Variants in VPS13C observed in about 807,000 individuals in gnomAD.
VPS13C encodes intermembrane lipid transfer protein VPS13C.
In VPS13C, 358 loss-of-function variants were observed where a neutral mutation model predicts 456.8. The observed-to-expected ratio is 0.78, with a 90% confidence interval of 0.72 to 0.86. The LOEUF is 0.86. Ranked by LOEUF, VPS13C falls within the 40% of genes least tolerant of loss-of-function variation. VPS13C has a pLI of 0.00. For synonymous variants in VPS13C, 1,578 were observed against 1,486.7 expected, an observed-to-expected ratio of 1.06 and a Z score of -1.41; for missense variants, 4,818 against 4,385.4, an observed-to-expected ratio of 1.10 and a Z score of -2.79.
At chr15:62,008,844 TGA>T in intron 13 of VPS13C, 83 bp from the exon 14 acceptor site, 3 of 769,212 alleles carry the variant, frequency 3.9e-6, no homozygotes, top group Non-Finnish European at 5.7e-6. Context: ...TTTAGGCTAG[TGA>T]GACTCCAAAT....
chr15:61,884,232 A>G lies in VPS13C; in HGVS notation c.9379T>C (p.Trp3127Arg). ...VVWEVKPKQK[W>R]KPFSQKQIIL... ...ATCTGCTTTTGACTAAATGGCTTCCATTTCTGCTTTGGTTTCACCTCCCAA... is the reference window on the plus strand; with the variant it reads ...ATCTGCTTTTGACTAAATGGCTTCCGTTTCTGCTTTGGTTTCACCTCCCAA... Residue 3127 changes from tryptophan (W) to arginine (R), a missense_variant, in exon 68 of 85, where the codon TGG becomes CGG. Physicochemically the swap from Trp to Arg is moderately radical, Grantham distance 101. Transcript: ENST00000644861. The G allele has an allele frequency of 6.2e-7, 1 of 1,610,636 alleles. No homozygotes were observed. Among genetic ancestry groups the G allele is most frequent in the Non-Finnish European group, 8.5e-7 (1 of 1,178,752 alleles).
intron 16 of VPS13C, among the ~76,000 whole-genome samples, chr15:61,994,453 G>C (rs2046315954): frequency 6.6e-6 from 1 of 152,160 alleles, no homozygotes; most frequent in Non-Finnish European, 1.5e-5. Flanking sequence ...TGGGGAATTT[G>C]CCTGTGAGAA....
intron 6 of VPS13C, among the ~76,000 whole-genome samples, chr15:62,025,685 G>A (rs1031455771): frequency 8.6e-5 from 13 of 152,024 alleles, no homozygotes; most frequent in African/African-American, 3.1e-4. Flanking sequence ...TAATCTTAGA[G>A]CTAATATAGC....
At position 61,883,055 on chromosome 15, in the gene VPS13C, C is replaced by T. The variant is rs1183252370; in HGVS notation, c.9484-319G>A. Among the ~76,000 whole-genome samples, 7 of 151,326 alleles carry T rather than the reference C, an allele frequency of 4.6e-5. No individual in the cohort carries two copies. The South Asian group carries it at 8.3e-4, about 18-fold the overall frequency. ...CTTTCCTTTTCTTTTTTTTTTGAAACGGCATCTTGCTGTCACAAGTGCAGT... is the reference window on the plus strand; with the variant it reads ...CTTTCCTTTTCTTTTTTTTTTGAAATGGCATCTTGCTGTCACAAGTGCAGT... On this transcript the variant is annotated intron_variant, in intron 68 of 84. Coordinates refer to ENST00000644861, the MANE Select transcript of VPS13C (RefSeq NM_020821.3).
At chr15:61,913,287 G>C (rs778603560) in intron 62 of VPS13C, 24 bp downstream of exon 62, 3 of 1,598,612 alleles carry the variant, frequency 1.9e-6, no homozygotes, top group Non-Finnish European at 2.6e-6. Context: ...GGAATCAAAG[G>C]TAAATAAGGA....
intron 57 of VPS13C, among the ~76,000 whole-genome samples, chr15:61,919,663 A>C: frequency 6.6e-6 from 1 of 151,876 alleles, no homozygotes; most frequent in East Asian, 1.9e-4. Flanking sequence ...GGTTTTGAAT[A>C]TAAAAACAAA....
chr15:62,040,067 T>A (rs1269633160), intron 3 of VPS13C, among the ~76,000 whole-genome samples: 1 of 152,120 alleles, frequency 6.6e-6, no homozygotes, highest in African/African-American at 2.4e-5. Context: ...ACAACATGGA[T>A]GGAACTGGGG....
chr15:62,005,452 G>A (rs996059342), intron 15 of VPS13C, among the ~76,000 whole-genome samples: 3 of 152,150 alleles, frequency 2.0e-5, no homozygotes, highest in Admixed American at 6.5e-5. Context: ...GCACACTGAT[G>A]GGTCTTGACT....
chr15:62,032,831 T>C (rs1010487450), intron 5 of VPS13C, among the ~76,000 whole-genome samples: 1 of 151,764 alleles, frequency 6.6e-6, no homozygotes, highest in Non-Finnish European at 1.5e-5. Flanking sequence ...CTTCAATTCA[T>C]CACTCTATAG....
intron 1 of VPS13C, among the ~76,000 whole-genome samples, chr15:62,056,465 G>T (rs1447596810): frequency 2.6e-5 from 4 of 152,228 alleles, no homozygotes; most frequent in Non-Finnish European, 4.4e-5. Flanking sequence ...TTGGTCTAGC[G>T]GTAACGCCAG....
rs953129298 is a variant in VPS13C, at chr15:61,865,905, T to C, written c.10864-2377A>G. On this transcript the variant is annotated intron_variant, in intron 81 of 84. Transcript: ENST00000644861. ...AAGCTGCATATTAAAGAATACAAAG[T>C]AGTACTTAGGAGAAAAAGGAACATG... 1.5e-5 allele frequency: 15 copies of C among 973,464 alleles called. No homozygotes were observed. The African/African-American group carries it at 2.6e-4, about 17-fold the overall frequency. The allele number at this position is 973,464 out of a possible 1,614,324, so 60.3% of individuals were successfully genotyped here. A position where few individuals can be genotyped will look rare whatever the true frequency, so the allele number is the denominator to read the frequency against.
intron 84 of VPS13C, among the ~76,000 whole-genome samples, 155 bp from the exon 85 acceptor site, chr15:61,854,713 C>T (rs1893812744): frequency 6.6e-6 from 1 of 152,098 alleles, no homozygotes; most frequent in Non-Finnish European, 1.5e-5. Context: ...AAAATAAGAC[C>T]CTTGCACCCG....
At chr15:61,886,480 G>A (rs150121611) in intron 67 of VPS13C, among the ~76,000 whole-genome samples, 1,641 of 151,948 alleles carry the variant, frequency 0.011, 11 homozygotes, top group Non-Finnish European at 0.017. Flanking sequence ...TGATATGACG[G>A]ATATATATCA....
chr15:62,015,613 C>A (rs2047209687), intron 9 of VPS13C, among the ~76,000 whole-genome samples: 2 of 142,506 alleles, frequency 1.4e-5, no homozygotes, highest in Admixed American at 1.4e-4. Flanking sequence ...ATGATGAGTT[C>A]ATGTCCTTTG....
rs751758020 is a variant in VPS13C at position 62,007,296 on chromosome 15, T to C, written c.1290+12A>G. On this transcript the variant is annotated intron_variant, in intron 15 of 84. Coordinates refer to ENST00000644861, the MANE Select transcript of VPS13C (RefSeq NM_020821.3). ...ACAAATAATAGCTCTCACTAATATATGCAAGATATACCTGAATTTCTTTCT... is the reference window on the plus strand; with the variant it reads ...ACAAATAATAGCTCTCACTAATATACGCAAGATATACCTGAATTTCTTTCT... 2.5e-6 allele frequency: 4 copies of C among 1,589,866 alleles called. No individual in the cohort carries two copies. Among genetic ancestry groups the C allele is most frequent in the South Asian group, 1.2e-5 (1 of 86,402 alleles).
rs28593056 is a variant in VPS13C, at chr15:61,906,896, G to A, written c.9105+368C>T. The A allele has an allele frequency of 8.4e-3, 1,900 of 226,058 alleles. 48 individuals are homozygous for A. Among genetic ancestry groups the A allele is most frequent in the African/African-American group, 0.042 (1,809 of 43,234 alleles). The allele number at this position is 226,058 out of a possible 1,614,324, so 14.0% of individuals were successfully genotyped here. ...ATTAATTAACAAAATACATAGCTGTGCTTAGGAAAACAAGCTTTAAAAACT... is the reference window on the plus strand; with the variant it reads ...ATTAATTAACAAAATACATAGCTGTACTTAGGAAAACAAGCTTTAAAAACT... On this transcript the variant is annotated intron_variant, in intron 66 of 84. Transcript: ENST00000644861.
chr15:62,051,983 T>A (rs1239509598), intron 1 of VPS13C, among the ~76,000 whole-genome samples: 1 of 152,240 alleles, frequency 6.6e-6, no homozygotes, highest in African/African-American at 2.4e-5. Context: ...AATTAAAGTC[T>A]AAAGAGATCT....
chr15:61,970,796 C>A (rs561193856), intron 27 of VPS13C, among the ~76,000 whole-genome samples: 86 of 146,918 alleles, frequency 5.9e-4, no homozygotes, highest in Admixed American at 1.2e-3. Flanking sequence ...AGGTTGCTGT[C>A]TTGTCTTGGG....
At chr15:61,980,810 C>A (rs946405268) in intron 22 of VPS13C, among the ~76,000 whole-genome samples, 2 of 152,028 alleles carry the variant, frequency 1.3e-5, no homozygotes, top group Non-Finnish European at 2.9e-5. Flanking sequence ...AATTGAGAAA[C>A]AAAGTTTATG....
Sources: gnomAD v4.1 joint callset for allele counts (sites outside exome capture counted in the v4.1 genomes callset) on GRCh38, gnomAD v4.1.1 for gene constraint, MANE v1.5 for transcripts, NCBI Gene and HGNC (gene_info 2026-07-23, HGNC 2026-07-21) for gene names.